Variants in BCAS3 observed in about 807,000 individuals in gnomAD.
BCAS3 encodes BCAS4/BCAS3 fusion.
Under a neutral mutation model 116.1 loss-of-function variants are expected in BCAS3, and 53 were observed. The ratio of observed to expected loss-of-function variants is 0.46; its 90% confidence interval spans 0.37 to 0.57. BCAS3 has a LOEUF of 0.57. Among genes scored for constraint, BCAS3 ranks in the 20% least tolerant of loss-of-function variants. The pLI is 0.00. For synonymous variants in BCAS3, 391 were observed against 408.2 expected, an observed-to-expected ratio of 0.96 and a Z score of 0.51; for missense variants, 917 against 1,165.4, an observed-to-expected ratio of 0.79 and a Z score of 3.10.
In BCAS3 at chr17:61,347,100, A is replaced by C. The variant is rs1379370853; in HGVS notation, c.2426-21227A>C. Among the ~76,000 whole-genome samples the C allele has an allele frequency of 2.0e-5, 3 of 152,092 alleles. No individual in the cohort carries two copies. Among genetic ancestry groups the C allele is most frequent in the Admixed American group, 6.5e-5 (1 of 15,274 alleles). On this transcript the variant is annotated intron_variant, in intron 22 of 23. Transcript: ENST00000407086. The surrounding 1 kb of genome is among the most constrained non-coding windows in gnomAD (Gnocchi z 4.3). ...TTTAACAAATTTTTTTTTAAGGCAG[A>C]GTCTTGCTCTGTCACCCAGGCTGGA...
chr17:61,104,130 A>G lies in BCAS3; in HGVS notation c.2425+19566A>G, dbSNP rs575890492. ...GTTACAAATGGTTTCATTTACCAAA[A>G]TGACTATTTCACTTGGAAAGTTTTG... On this transcript the variant is annotated intron_variant, in intron 22 of 23. Transcript: ENST00000407086. This position sits in a 1 kb window ranked among gnomAD's most constrained non-coding sequence, Gnocchi z 4.1. Among the ~76,000 whole-genome samples, 108 of 152,292 alleles carry G rather than the reference A, an allele frequency of 7.1e-4. No individual in the cohort carries two copies. Among genetic ancestry groups the G allele is most frequent in the African/African-American group, 2.5e-3 (105 of 41,556 alleles).
Position 61,222,212 on chromosome 17 carries a change from G to C in BCAS3, c.2425+137648G>C, listed in dbSNP as rs537931708. Among the ~76,000 whole-genome samples the C allele has an allele frequency of 6.6e-6, 1 of 152,188 alleles. No individual in the cohort carries two copies. The highest frequency in any genetic ancestry group is 2.1e-4 in the South Asian group (1 of 4,832). The stretch of plus-strand genomic sequence containing the variant: ...TAATAGTGGGGAACTGTAAAGAAAT[G>C]ATAAAAATAAGGACTCAGCTTAAAC... On this transcript the variant is annotated intron_variant, in intron 22 of 23. Coordinates refer to ENST00000407086, the MANE Select transcript of BCAS3 (RefSeq NM_017679.5). The surrounding 1 kb of genome is among the most constrained non-coding windows in gnomAD (Gnocchi z 6.1).
intron 7 of BCAS3, chr17:60,811,578 A>G (rs373151037): frequency 1.8e-5 from 6 of 336,304 alleles, no homozygotes; most frequent in African/African-American, 4.3e-5. Flanking sequence ...TAAATTTTAC[A>G]AAGATTTTAA....
intron 5 of BCAS3, among the ~76,000 whole-genome samples, chr17:60,730,494 G>T (rs1316184555): frequency 2.0e-5 from 3 of 151,846 alleles, no homozygotes; most frequent in African/African-American, 7.3e-5. Context: ...TTTCTTGATG[G>T]TATACACAGT....
intron 6 of BCAS3, among the ~76,000 whole-genome samples, chr17:60,793,308 G>A (rs1171037398): frequency 2.0e-5 from 3 of 152,208 alleles, no homozygotes; most frequent in South Asian, 2.1e-4. Context: ...TCTTGGCCAA[G>A]CTGGTGTTGA....
intron 5 of BCAS3, among the ~76,000 whole-genome samples, chr17:60,714,848 C>G (rs1242552699): frequency 6.6e-6 from 1 of 152,118 alleles, no homozygotes; most frequent in East Asian, 1.9e-4. Flanking sequence ...CTGCTTTGTA[C>G]ATGACACCAG....
intron 14 of BCAS3, among the ~76,000 whole-genome samples, chr17:60,968,861 T>G (rs2061798664): frequency 6.6e-6 from 1 of 152,086 alleles, no homozygotes; most frequent in Non-Finnish European, 1.5e-5. Context: ...TCCTCAGGGT[T>G]GTTTCTCCCA....
In BCAS3 at chr17:61,068,498, T is replaced by C. The variant is rs982786822; in HGVS notation, c.2030-6422T>C. On this transcript the variant is annotated intron_variant, in intron 19 of 23. Transcript: ENST00000407086. The surrounding 1 kb of genome is among the most constrained non-coding windows in gnomAD (Gnocchi z 4.3). ...CAGCTCCTGTCAGTTGTCTGGACTATGTCCATATTATTCTTGTACATGTAT... is the reference window on the plus strand; with the variant it reads ...CAGCTCCTGTCAGTTGTCTGGACTACGTCCATATTATTCTTGTACATGTAT... Among the ~76,000 whole-genome samples the C allele has an allele frequency of 1.3e-5, 2 of 152,256 alleles. No individual in the cohort carries two copies. The highest frequency in any genetic ancestry group is 4.8e-5 in the African/African-American group (2 of 41,466).
In BCAS3 at chr17:61,346,677, A is replaced by G. The variant is rs530300177; in HGVS notation, c.2426-21650A>G. Among the ~76,000 whole-genome samples, 2 of 152,360 alleles carry G rather than the reference A, an allele frequency of 1.3e-5. No individual in the cohort carries two copies. The highest frequency in any genetic ancestry group is 6.5e-5 in the Admixed American group (1 of 15,306). ...GGCCTTGAAGCCTGAGCCTTTAACCATTTCCTATACTGCCTCTGTTAGGCT... is the reference window on the plus strand; with the variant it reads ...GGCCTTGAAGCCTGAGCCTTTAACCGTTTCCTATACTGCCTCTGTTAGGCT... On this transcript the variant is annotated intron_variant, in intron 22 of 23. Coordinates refer to ENST00000407086, the MANE Select transcript of BCAS3 (RefSeq NM_017679.5). This position sits in a 1 kb window ranked among gnomAD's most constrained non-coding sequence, Gnocchi z 5.4.
chr17:61,345,993 G>A (rs573489664), intron 22 of BCAS3, among the ~76,000 whole-genome samples: 13 of 152,320 alleles, frequency 8.5e-5, no homozygotes, highest in African/African-American at 2.4e-4. Context: ...GGTGAAGGTC[G>A]TTGGTGTGCG....
chr17:61,148,341 G>A lies in BCAS3; in HGVS notation c.2425+63777G>A, dbSNP rs1247255746. On this transcript the variant is annotated intron_variant, in intron 22 of 23. Transcript: ENST00000407086. The stretch of plus-strand genomic sequence containing the variant: ...TTACCTTTTATTGAGTACTTACTAT[G>A]TACCAACCATTATGTGCCAGACACT... Among the ~76,000 whole-genome samples, 4 of 152,306 alleles carry A rather than the reference G, an allele frequency of 2.6e-5. No homozygotes were observed. The East Asian group carries it at 7.7e-4, about 29-fold the overall frequency.
In BCAS3 at chr17:61,188,665, C is replaced by A; in HGVS notation, c.2425+104101C>A. ...GATGCAAGTACAAGCGAGGAGAGGT[C>A]CTTCAGGCAACTGCTCAGAGTGCTG... On this transcript the variant is annotated intron_variant, in intron 22 of 23. Transcript: ENST00000407086. This position sits in a 1 kb window ranked among gnomAD's most constrained non-coding sequence, Gnocchi z 4.0. Among the ~76,000 whole-genome samples, 1 of 152,126 alleles carries A rather than the reference C, an allele frequency of 6.6e-6. No homozygotes were observed. Among genetic ancestry groups the A allele is most frequent in the East Asian group, 1.9e-4 (1 of 5,196 alleles).
intron 4 of BCAS3, among the ~76,000 whole-genome samples, chr17:60,700,814 A>G (rs2036284170): frequency 6.6e-6 from 1 of 152,204 alleles, no homozygotes; most frequent in Admixed American, 6.5e-5. Flanking sequence ...TGAACAACTT[A>G]GAGATTATTG....
At chr17:60,970,715 ATAAAT>A (rs1354319190) in intron 14 of BCAS3, among the ~76,000 whole-genome samples, 9 of 152,344 alleles carry the variant, frequency 5.9e-5, no homozygotes, top group African/African-American at 1.7e-4. Context: ...AAAAAATAAA[ATAAAT>A]GTATGCATCT....
At position 61,105,521 on chromosome 17, in the gene BCAS3, T is replaced by A. The variant is rs964353465; in HGVS notation, c.2425+20957T>A. Among the ~76,000 whole-genome samples, 2 of 152,210 alleles carry A rather than the reference T, an allele frequency of 1.3e-5. No individual in the cohort carries two copies. The highest frequency in any genetic ancestry group is 4.8e-5 in the African/African-American group (2 of 41,458). On this transcript the variant is annotated intron_variant, in intron 22 of 23. Coordinates refer to ENST00000407086, the MANE Select transcript of BCAS3 (RefSeq NM_017679.5). The surrounding 1 kb of genome is among the most constrained non-coding windows in gnomAD (Gnocchi z 4.3). ...CTCAAAGCAAGCTCTGTCTCCTAGA[T>A]TCAAGTGATTCTCCTGCCTCAGCCC...
intron 10 of BCAS3, among the ~76,000 whole-genome samples, chr17:60,896,821 C>T (rs917443385): frequency 3.3e-5 from 5 of 151,992 alleles, no homozygotes; most frequent in African/African-American, 9.7e-5. Flanking sequence ...ATTTTATTTA[C>T]ATTCAAAGTC....
At chr17:60,868,539 A>T (rs534209124) in intron 7 of BCAS3, 37 bp from the exon 8 acceptor site, 413 of 1,356,430 alleles carry the variant, frequency 3.0e-4, no homozygotes, top group Middle Eastern at 7.5e-4. Context: ...TTTCTTTTTT[A>T]AAAAAATGAC....
chr17:60,819,631 CAGAT>C (rs1784579042), intron 7 of BCAS3, among the ~76,000 whole-genome samples: 1 of 152,158 alleles, frequency 6.6e-6, no homozygotes, highest in Non-Finnish European at 1.5e-5. Flanking sequence ...TTGCTGGAAA[CAGAT>C]AGCATACTCA....
Position 61,298,493 on chromosome 17 carries a change from G to T in BCAS3, c.2426-69834G>T, listed in dbSNP as rs192468333. On this transcript the variant is annotated intron_variant, in intron 22 of 23. Transcript: ENST00000407086. The stretch of plus-strand genomic sequence containing the variant: ...CTAGTATGTGGAAACTCTTCCAAAT[G>T]CCCTGGTCTTTGTGACCATGCAAAG... Among the ~76,000 whole-genome samples the T allele has an allele frequency of 1.6e-4, 25 of 152,274 alleles. No homozygotes were observed. In the East Asian group the frequency reaches 4.6e-3, roughly 28 times the overall value.
Sources: gnomAD v4.1 joint callset for allele counts (sites outside exome capture counted in the v4.1 genomes callset) on GRCh38, gnomAD v4.1.1 for gene constraint, Gnocchi (gnomAD v3.1) non-coding constraint, MANE v1.5 for transcripts, NCBI Gene and HGNC (gene_info 2026-07-23, HGNC 2026-07-21) for gene names.